Variants in EIPR1 observed in about 807,000 individuals in gnomAD.
EIPR1 encodes the protein EARP complex and GARP complex interacting protein 1.
Under a neutral mutation model 48.1 loss-of-function variants are expected in EIPR1, and 25 were observed. That is an observed-to-expected ratio of 0.52 (90% CI 0.38 to 0.73). The LOEUF (loss-of-function observed/expected upper bound fraction) is 0.73. EIPR1 is among the 30% of genes least tolerant of loss of function. The pLI is 0.00. For synonymous variants in EIPR1, 204 were observed against 201.9 expected, an observed-to-expected ratio of 1.01 and a Z score of -0.09; for missense variants, 415 against 506.2, an observed-to-expected ratio of 0.82 and a Z score of 1.73.
At chr2:3,377,528 G>C in intron 1 of EIPR1, 120 bp downstream of exon 1, 2 of 1,293,842 alleles carry the variant, frequency 1.5e-6, no homozygotes, top group Non-Finnish European at 2.2e-6. Context: ...ATGGGAACTA[G>C]GGAACAGACA....
At chr2:3,240,592 A>C (rs1396487611) in intron 4 of EIPR1, among the ~76,000 whole-genome samples, 3 of 148,206 alleles carry the variant, frequency 2.0e-5, no homozygotes, top group Non-Finnish European at 3.0e-5. Flanking sequence ...GACCCTTCCT[A>C]AAGAAAAGCC....
intron 3 of EIPR1, among the ~76,000 whole-genome samples, chr2:3,278,966 G>C (rs1667940339): frequency 6.6e-6 from 1 of 152,182 alleles, no homozygotes; most frequent in African/African-American, 2.4e-5. Flanking sequence ...CCTGTGCTCT[G>C]AGTACATCGA....
intron 4 of EIPR1, among the ~76,000 whole-genome samples, chr2:3,243,230 A>G (rs1666693847): frequency 1.3e-5 from 2 of 152,128 alleles, no homozygotes; most frequent in African/African-American, 4.8e-5. Context: ...TTTTTCTCCA[A>G]TTTTTTTCTT....
At chr2:3,334,573 TCAGATGAGA>T (rs1669989022) in intron 3 of EIPR1, among the ~76,000 whole-genome samples, 1 of 152,222 alleles carries the variant, frequency 6.6e-6, no homozygotes. Flanking sequence ...ATGACCTGAT[TCAGATGAGA>T]CGTGGCGCCG....
At chr2:3,274,395 T>A in intron 3 of EIPR1, 2 of 1,550,306 alleles carry the variant, frequency 1.3e-6, no homozygotes, top group South Asian at 2.4e-5. Flanking sequence ...ACCAAAGGAA[T>A]CCAGAGACAG....
At chr2:3,239,923 T>C (rs2602762) in intron 4 of EIPR1, among the ~76,000 whole-genome samples, 138,796 of 151,802 alleles carry the variant, frequency 0.91, 63,940 homozygotes, top group East Asian at 0.98. Context: ...CAGGGTGATG[T>C]GAAACTAGAA....
chr2:3,239,421 G>A (rs1296019453), intron 4 of EIPR1, among the ~76,000 whole-genome samples: 1 of 152,210 alleles, frequency 6.6e-6, no homozygotes, highest in Non-Finnish European at 1.5e-5. Flanking sequence ...CCATCTCTGT[G>A]GTTGATGCAC....
Position 3,257,169 on chromosome 2 carries a change from C to T in EIPR1, c.416+130G>A, listed in dbSNP as rs1012183951. 49 of 1,090,274 alleles carry T rather than the reference C, an allele frequency of 4.5e-5. No homozygotes were observed. In the African/African-American group the frequency reaches 6.8e-4, roughly 15 times the overall value. 67.5% of individuals were successfully genotyped at this position (1,090,274 alleles called of 1,614,324 possible). A position where few individuals can be genotyped will look rare whatever the true frequency, so the allele number is the denominator to read the frequency against. ...GGACTAAAATTAAAAATCAAATTCTCGCAGCTTTTTAAAAGAAAGGAGCGT... is the reference window on the plus strand; with the variant it reads ...GGACTAAAATTAAAAATCAAATTCTTGCAGCTTTTTAAAAGAAAGGAGCGT... On this transcript the variant is annotated intron_variant, in intron 4 of 8. Coordinates refer to ENST00000382125, the MANE Select transcript of EIPR1 (RefSeq NM_003310.5).
At chr2:3,258,103 C>T (rs756718697) in intron 3 of EIPR1, among the ~76,000 whole-genome samples, 10 of 151,838 alleles carry the variant, frequency 6.6e-5, no homozygotes, top group Non-Finnish European at 1.3e-4. Context: ...CATCCTTACA[C>T]GATCCTGCTG....
intron 3 of EIPR1, among the ~76,000 whole-genome samples, chr2:3,322,131 C>A (rs961604635): frequency 6.6e-6 from 1 of 152,234 alleles, no homozygotes; most frequent in African/African-American, 2.4e-5. Context: ...CTCTTCCCAG[C>A]GAGGTCAGCA....
At chr2:3,198,032 G>A (rs1477944078) in intron 5 of EIPR1, among the ~76,000 whole-genome samples, 1 of 152,216 alleles carries the variant, frequency 6.6e-6, no homozygotes, top group Non-Finnish European at 1.5e-5. Flanking sequence ...GGGCAGGTTG[G>A]GTACCCAGGC....
intron 3 of EIPR1, among the ~76,000 whole-genome samples, chr2:3,334,603 G>A (rs778461331): frequency 3.9e-5 from 6 of 152,252 alleles, no homozygotes; most frequent in Admixed American, 6.5e-5. Flanking sequence ...TGTGTGCTTC[G>A]AAGGGCGAAG....
intron 4 of EIPR1, 106 bp downstream of exon 4, chr2:3,257,193 G>T: frequency 8.0e-7 from 1 of 1,254,992 alleles, no homozygotes; most frequent in Non-Finnish European, 1.1e-6. Flanking sequence ...AGAAAGGAGC[G>T]TTTCCGAGGT....
At chr2:3,247,342 T>A (rs1666865203) in intron 4 of EIPR1, among the ~76,000 whole-genome samples, 1 of 152,142 alleles carries the variant, frequency 6.6e-6, no homozygotes, top group Non-Finnish European at 1.5e-5. Flanking sequence ...TGAAGGTGCA[T>A]AACTCTTGAA....
At chr2:3,250,386 T>C (rs2103206893) in intron 4 of EIPR1, among the ~76,000 whole-genome samples, 1 of 152,382 alleles carries the variant, frequency 6.6e-6, no homozygotes, top group South Asian at 2.1e-4. Flanking sequence ...TTCTTCCTTT[T>C]GGAATGAAAA....
intron 1 of EIPR1, among the ~76,000 whole-genome samples, chr2:3,361,695 A>T (rs1212660855): frequency 1.3e-5 from 2 of 148,808 alleles, no homozygotes; most frequent in Non-Finnish European, 3.0e-5. Context: ...TCCAGCCCCA[A>T]TCCTGCCCTT....
At chr2:3,285,565 C>T (rs930271027) in intron 3 of EIPR1, among the ~76,000 whole-genome samples, 3 of 152,210 alleles carry the variant, frequency 2.0e-5, no homozygotes, top group South Asian at 4.1e-4. Context: ...AAAGCTCTGC[C>T]GACCACATGG....
intron 1 of EIPR1, among the ~76,000 whole-genome samples, chr2:3,370,963 A>G (rs1448663445): frequency 1.3e-5 from 2 of 152,238 alleles, no homozygotes; most frequent in African/African-American, 4.8e-5. Flanking sequence ...GAAATGAAGG[A>G]AAAAATGTTA....
chr2:3,377,509 C>A lies in EIPR1; in HGVS notation c.42+139G>T, dbSNP rs1334630285. On this transcript the variant is annotated intron_variant, in intron 1 of 8. Transcript: ENST00000382125. ...AACCTCCTAAAGCCTCAGTTTACTT[C>A]TCTGCAAAATGGGAACTAGGGAACA... is the stretch of plus-strand genomic sequence containing the variant. 1.0e-5 allele frequency: 12 copies of A among 1,163,876 alleles called. No individual in the cohort carries two copies. The East Asian group carries it at 2.9e-4, about 28-fold the overall frequency. The allele number at this position is 1,163,876 out of a possible 1,614,324, so 72.1% of individuals were successfully genotyped here.
Sources: gnomAD v4.1 joint callset for allele counts (sites outside exome capture counted in the v4.1 genomes callset) on GRCh38, gnomAD v4.1.1 for gene constraint, MANE v1.5 for transcripts, NCBI Gene and HGNC (gene_info 2026-07-23, HGNC 2026-07-21) for gene names.